KRT6A: variants seen among roughly 807,000 people sequenced by gnomAD.
KRT6A encodes the protein keratin 6A.
In KRT6A, 28 loss-of-function variants were observed where a neutral mutation model predicts 48.6. That is an observed-to-expected ratio of 0.58 (90% CI 0.43 to 0.79). The LOEUF is 0.79. Among genes scored for constraint, KRT6A ranks in the 30% least tolerant of loss-of-function variants. The pLI is 0.00. For missense variants in KRT6A, 687 were observed against 724.3 expected (o/e 0.95, Z 0.59); for synonymous variants, 301 against 294.2 (o/e 1.02, Z -0.24).
In KRT6A at chr12:52,491,754, T is replaced by C; in HGVS notation, c.541-18A>G. The stretch of plus-strand genomic sequence containing the variant: ...AACCGCACCTGAAAGAGAGACAAGA[T>C]GATCATTTTCCAGGCAAGGGAAGGA... On this transcript the variant is annotated intron_variant, in intron 1 of 8. Transcript: ENST00000330722. The C allele has an allele frequency of 6.2e-7, 1 of 1,614,094 alleles. No homozygotes were observed. The highest frequency in any genetic ancestry group is 8.5e-7 in the Non-Finnish European group (1 of 1,179,980).
Position 52,487,569 on chromosome 12 carries a change from G to A in KRT6A, c.*151C>T. 1.1e-6 allele frequency: 1 copy of A among 873,282 alleles called. No individual in the cohort carries two copies. The highest frequency in any genetic ancestry group is 1.8e-6 in the Non-Finnish European group (1 of 556,586). 54.1% of individuals were successfully genotyped at this position (873,282 alleles called of 1,614,324 possible). ...TGCTCAGATGGTATAGAGAGAGAGA[G>A]AAGAAGTGAGGGCACTAAGCATCCA... On this transcript the variant is annotated 3_prime_UTR_variant, in exon 9 of 9. Coordinates refer to ENST00000330722, the MANE Select transcript of KRT6A (RefSeq NM_005554.4).
Position 52,488,089 on chromosome 12 carries a change from C to A in KRT6A, c.1439G>T (p.Gly480Val), listed in dbSNP as rs780226920. The A allele has an allele frequency of 3.1e-6, 5 of 1,614,000 alleles. No individual in the cohort carries two copies. Among genetic ancestry groups the A allele is most frequent in the Non-Finnish European group, 2.5e-6 (3 of 1,179,906 alleles). ...EGEECRLNGEGVGQVNISVVQ... is the reference protein window; with the variant it reads ...EGEECRLNGEVVGQVNISVVQ... ...CTTACAGATGTTGACTTGTCCAACG[C>A]CTTCGCCATTCAGCCTGTGGAGAGG... Residue 480 changes from glycine (G) to valine (V), a missense_variant, in exon 8 of 9, where the codon GGC becomes GTC. By Grantham distance (109) the Gly-to-Val change is moderately radical. Transcript: ENST00000330722.
chr12:52,490,148 A>G (rs298118), intron 5 of KRT6A, 80 bp from the exon 6 acceptor site: 533,497 of 1,595,364 alleles, frequency 0.33, 90,960 homozygotes, highest in East Asian at 0.55. Context: ...TGTATCATGC[A>G]TGTCATGAAG....
intron 6 of KRT6A, 115 bp from the exon 7 acceptor site, chr12:52,488,663 C>G (rs1279765547): frequency 4.6e-6 from 6 of 1,312,226 alleles, no homozygotes; most frequent in Non-Finnish European, 6.5e-6. Context: ...GGTGAATGAG[C>G]TCTGACTCTT....
At position 52,492,908 on chromosome 12, in the gene KRT6A, C is replaced by T; in HGVS notation, c.281G>A (p.Gly94Asp). 1 of 1,607,600 alleles carries T rather than the reference C, an allele frequency of 6.2e-7. No individual in the cohort carries two copies. The highest frequency in any genetic ancestry group is 8.5e-7 in the Non-Finnish European group (1 of 1,177,040). ...GAAACCAAATCCACTCCCGGCGCCACCAAAGCCATAGCTGCCTCCGGCTCT... is the reference window on the plus strand; with the variant it reads ...GAAACCAAATCCACTCCCGGCGCCATCAAAGCCATAGCTGCCTCCGGCTCT... Reference protein sequence around the residue: ...GSRAGGSYGFGGAGSGFGFGG... With the variant: ...GSRAGGSYGFDGAGSGFGFGG... Residue 94 changes from glycine (G) to aspartate (D), a missense_variant, in exon 1 of 9, where the codon GGT (glycine) becomes GAT (aspartate). Gly to Asp is a moderately conservative substitution (Grantham distance 94). Around this residue, in one of 3 missense-constraint regions of KRT6A, gnomAD observed 49 missense variants for 97.3 expected, o/e 0.50. Coordinates refer to ENST00000330722, the MANE Select transcript of KRT6A (RefSeq NM_005554.4).
Position 52,491,582 on chromosome 12 carries a change from C to A in KRT6A, c.695G>T (p.Arg232Leu), listed in dbSNP as rs149632009. Residue 232 changes from arginine to leucine, a missense_variant, in exon 2 of 9, where the codon CGG (arginine) becomes CTG (leucine). Physicochemically the swap from Arg to Leu is moderately radical, Grantham distance 102 (BLOSUM62 -2). Transcript: ENST00000330722. Reference sequence around the variant, plus strand: ...TCTGAGCTCTGAGTCCAGGCGGCCCCGTTCCCCGACAATGCTGTCCAGCTG... The same window carrying A: ...TCTGAGCTCTGAGTCCAGGCGGCCCAGTTCCCCGACAATGCTGTCCAGCTG... ...RRQLDSIVGE[R>L]GRLDSELRGM... 6.2e-7 allele frequency: 1 copy of A among 1,614,028 alleles called. No homozygotes were observed. The highest frequency in any genetic ancestry group is 8.5e-7 in the Non-Finnish European group (1 of 1,180,036).
chr12:52,487,904 C>A lies in KRT6A; in HGVS notation c.1511G>T (p.Gly504Val). 1 of 1,614,088 alleles carries A rather than the reference C, an allele frequency of 6.2e-7. No individual in the cohort carries two copies. Among genetic ancestry groups the A allele is most frequent in the Non-Finnish European group, 8.5e-7 (1 of 1,179,944 alleles). ...SSGYGGASGV[G>V]SGLGLGGGSS... ...TCCTCCACCCAGGCCTAAGCCACTG[C>A]CGACACCACTGGCACCGCCATAGCC... The change falls in exon 9 of 9, where the codon GGC becomes GTC. Residue 504 changes from glycine (G) to valine (V), a missense_variant. Physicochemically the swap from Gly to Val is moderately radical, Grantham distance 109. This residue lies in a region of KRT6A where 566 missense variants were observed against 565.3 expected (regional missense o/e 1.00). Transcript: ENST00000330722.
Position 52,487,341 on chromosome 12 carries a change from G to T in KRT6A, c.*379C>A, listed in dbSNP as rs140939076. 7.3e-4 allele frequency: 228 copies of T among 312,504 alleles called. 1 individual carries two copies. Among genetic ancestry groups the T allele is most frequent in the African/African-American group, 4.1e-3 (192 of 46,766 alleles). The allele number at this position is 312,504 out of a possible 1,614,324, so 19.4% of individuals were successfully genotyped here. On this transcript the variant is annotated 3_prime_UTR_variant, in exon 9 of 9. Transcript: ENST00000330722. ...TATAAGTTAGAGAGTTTGAGAGCCAGTGGAAAGTAAGTGGAAGTTGTTCTG... is the reference window on the plus strand; with the variant it reads ...TATAAGTTAGAGAGTTTGAGAGCCATTGGAAAGTAAGTGGAAGTTGTTCTG...
In KRT6A at chr12:52,492,804, C is replaced by G. The variant is rs1358014273; in HGVS notation, c.385G>C (p.Val129Leu). Residue 129 changes from valine to leucine, a missense_variant, in exon 1 of 9, where the codon GTG (valine) becomes CTG (leucine). By Grantham distance (32) the Val-to-Leu change is conservative. Around this residue, in one of 3 missense-constraint regions of KRT6A, gnomAD observed 566 missense variants for 565.3 expected, o/e 1.00. Transcript: ENST00000330722. Reference sequence around the variant, plus strand: ...TCTTGGATGCCTCCAGGGGGGCACACAGGGAAGCCAGGGCCCCCAAAGCCA... The same window carrying G: ...TCTTGGATGCCTCCAGGGGGGCACAGAGGGAAGCCAGGGCCCCCAAAGCCA... ...AGGFGGPGFP[V>L]CPPGGIQEVT... The G allele has an allele frequency of 3.1e-6, 5 of 1,613,104 alleles. No individual in the cohort carries two copies. Among genetic ancestry groups the G allele is most frequent in the Non-Finnish European group, 4.2e-6 (5 of 1,179,732 alleles).
chr12:52,491,633 T>G lies in KRT6A; in HGVS notation c.644A>C (p.Glu215Ala). 1 of 1,614,186 alleles carries G rather than the reference T, an allele frequency of 6.2e-7. No homozygotes were observed. Among genetic ancestry groups the G allele is most frequent in the Non-Finnish European group, 8.5e-7 (1 of 1,180,036 alleles). Residue 215 changes from glutamate (E) to alanine (A), a missense_variant, in exon 2 of 9, where the codon GAG (glutamate) becomes GCG (alanine). Glu to Ala is a moderately radical substitution (Grantham distance 107). Transcript: ENST00000330722. Reference protein sequence around the residue: ...TVRQNLEPLFEQYINNLRRQL... With the variant: ...TVRQNLEPLFAQYINNLRRQL... ...CCTCCTGAGGTTGTTGATGTACTGC[T>G]CGAACAACGGCTCCAGGTTCTGCCT...
At chr12:52,490,382 C>T (rs1285682644) in intron 5 of KRT6A, 187 bp downstream of exon 5, 3 of 1,076,174 alleles carry the variant, frequency 2.8e-6, no homozygotes, top group Admixed American at 2.0e-5. Flanking sequence ...TTTCCTCCTG[C>T]ATTGGGTTCT....
In KRT6A at chr12:52,492,769, G is replaced by A; in HGVS notation, c.420C>T (p.Val140=). The A allele has an allele frequency of 6.2e-7, 1 of 1,613,784 alleles. No individual in the cohort carries two copies. Among genetic ancestry groups the A allele is most frequent in the Non-Finnish European group, 8.5e-7 (1 of 1,179,886 alleles). ...TGAGGGGAGTCAGGAGACTCTGGTT[G>A]ACGGTGACCTCTTGGATGCCTCCAG... The part of the protein sequence containing the change: ...CPPGGIQEVT[V]NQSLLTPLNL... Residue 140 remains valine (V), a synonymous_variant, in exon 1 of 9, where the codon GTC becomes GTT. Coordinates refer to ENST00000330722, the MANE Select transcript of KRT6A (RefSeq NM_005554.4).
chr12:52,488,194 T>C, intron 7 of KRT6A, 91 bp from the exon 8 acceptor site: 1 of 1,613,364 alleles, frequency 6.2e-7, no homozygotes, highest in Non-Finnish European at 8.5e-7. Flanking sequence ...GAAGAGTCCA[T>C]GGGAAACTGC....
At position 52,493,240 on chromosome 12, in the gene KRT6A, G is replaced by C. The variant is rs752987349; in HGVS notation, c.-52C>G. 1.9e-6 allele frequency: 3 copies of C among 1,613,126 alleles called. No individual in the cohort carries two copies. The highest frequency in any genetic ancestry group is 1.7e-6 in the Non-Finnish European group (2 of 1,179,584). On this transcript the variant is annotated 5_prime_UTR_variant, in exon 1 of 9. Coordinates refer to ENST00000330722, the MANE Select transcript of KRT6A (RefSeq NM_005554.4). The stretch of plus-strand genomic sequence containing the variant: ...AGAGTGTGAGAGGCTGGAGGAGAGA[G>C]GGAAGAGAAGCAGGACTAGGAATCA...
chr12:52,490,602 G>A lies in KRT6A; in HGVS notation c.1044C>T (p.Ser348=), dbSNP rs779470611. Residue 348 remains serine, a synonymous_variant, in exon 5 of 9, where the codon AGC becomes AGT. Coordinates refer to ENST00000330722, the MANE Select transcript of KRT6A (RefSeq NM_005554.4). ...GGTACCAGGACTCAGCCTCAGCCCG[G>A]CTTCTCTGAGCAATCTCCTCATATT... ...KAQYEEIAQR[S]RAEAESWYQT... is the part of the protein sequence containing the mutation. The A allele has an allele frequency of 1.2e-6, 2 of 1,614,084 alleles. No homozygotes were observed. Among genetic ancestry groups the A allele is most frequent in the African/African-American group, 2.7e-5 (2 of 74,930 alleles).
In KRT6A at chr12:52,491,113, T is replaced by G; in HGVS notation, c.815A>C (p.Lys272Thr). 1 of 1,614,000 alleles carries G rather than the reference T, an allele frequency of 6.2e-7. No homozygotes were observed. Reference protein sequence around the residue: ...AAENEFVTLKKDVDAAYMNKV... With the variant: ...AAENEFVTLKTDVDAAYMNKV... ...GAACCCCCGGCTTCATCTGCTCACC[T>G]TCTTCAGAGTCACAAATTCATTCTC... is the stretch of plus-strand genomic sequence containing the variant. The change falls in exon 3 of 9, where the codon AAG becomes ACG. Residue 272 changes from lysine (K) to threonine (T), a missense_variant and splice_region_variant. This residue lies in a region of KRT6A where 566 missense variants were observed against 565.3 expected (regional missense o/e 1.00). Coordinates refer to ENST00000330722, the MANE Select transcript of KRT6A (RefSeq NM_005554.4).
In KRT6A at chr12:52,487,921, G is replaced by A. The variant is rs374239834; in HGVS notation, c.1494C>T (p.Gly498=). 1.7e-4 allele frequency: 267 copies of A among 1,614,116 alleles called. No homozygotes were observed. Among genetic ancestry groups the A allele is most frequent in the African/African-American group, 1.3e-3 (97 of 75,050 alleles). Residue 498 remains glycine (G), a synonymous_variant, in exon 9 of 9, where the codon GGC becomes GGT. Transcript: ENST00000330722. The part of the protein sequence containing the change: ...VVQSTVSSGY[G]GASGVGSGLG... ...AGCCACTGCCGACACCACTGGCACC[G>A]CCATAGCCACTGGAGACGGTGGACT...
intron 2 of KRT6A, 89 bp downstream of exon 2, chr12:52,491,433 G>C: frequency 6.6e-7 from 1 of 1,521,128 alleles, no homozygotes; most frequent in Non-Finnish European, 9.1e-7. Context: ...TGGGTTGTTA[G>C]GAATATTACC....
In KRT6A at chr12:52,487,405, A is replaced by G; in HGVS notation, c.*315T>C. 1 of 412,892 alleles carries G rather than the reference A, an allele frequency of 2.4e-6. No homozygotes were observed. The allele number at this position is 412,892 out of a possible 1,614,324, so 25.6% of individuals were successfully genotyped here. A position where few individuals can be genotyped will look rare whatever the true frequency, so the allele number is the denominator to read the frequency against. On this transcript the variant is annotated 3_prime_UTR_variant, in exon 9 of 9. Transcript: ENST00000330722. ...GCAATTTTCTGCAATGAAAAGGAGC[A>G]GAGGTCATTTTCTTATAATGCTCAG...
Sources: gnomAD v4.1 joint callset for allele counts on GRCh38, gnomAD v4.1.1 for gene constraint, gnomAD v4.1.1 regional missense constraint, MANE v1.5 for transcripts, NCBI Gene and HGNC (gene_info 2026-07-23, HGNC 2026-07-21) for gene names.